The following ARID1B variants were observed in gnomAD, a reference collection of about 807,000 sequenced individuals.
ARID1B encodes the protein AT-rich interaction domain 1B.
A neutral mutation model predicts 212.3 loss-of-function variants in ARID1B; 30 were observed. The observed-to-expected ratio is 0.14, with a 90% confidence interval of 0.11 to 0.19. The LOEUF (loss-of-function observed/expected upper bound fraction) is 0.19. Ranked by LOEUF, ARID1B falls within the 10% of genes least tolerant of loss-of-function variation. ARID1B has a pLI of 1.00. For synonymous variants in ARID1B, 1,402 were observed against 1,301.7 expected (o/e 1.08, Z -1.66); for missense variants, 2,891 against 3,204.0 (o/e 0.90, Z 2.36).
chr6:156,809,713 G>GAAAAAAA (rs370188789), intron 1 of ARID1B, among the ~76,000 whole-genome samples: 1 of 104,462 alleles, frequency 9.6e-6, no homozygotes, highest in African/African-American at 3.5e-5. Flanking sequence ...CTTTTTCAAA[G>GAAAAAAA]AAAAAAAAAA....
Position 157,203,809 on chromosome 6 carries a change from C to A in ARID1B, c.5264-57C>A. ...TTTTTCTTACTCTTTCGTTAACTTTCGTTCTTTCATGCATAGAGTCAACAT... is the reference window on the plus strand; with the variant it reads ...TTTTTCTTACTCTTTCGTTAACTTTAGTTCTTTCATGCATAGAGTCAACAT... On this transcript the variant is annotated intron_variant, in intron 18 of 19. Coordinates refer to ENST00000636930, the MANE Select transcript of ARID1B (RefSeq NM_001374828.1). This position sits in a 1 kb window ranked among gnomAD's most constrained non-coding sequence, Gnocchi z 4.4. 6.3e-7 allele frequency: 1 copy of A among 1,589,890 alleles called. No homozygotes were observed. The highest frequency in any genetic ancestry group is 8.6e-7 in the Non-Finnish European group (1 of 1,162,684).
intron 2 of ARID1B, among the ~76,000 whole-genome samples, chr6:156,894,190 A>C (rs9397983): frequency 0.28 from 42,557 of 151,034 alleles, 6,126 homozygotes; most frequent in Non-Finnish European, 0.33. Context: ...CAAAGGAACA[A>C]ATATTGTGTG....
At chr6:157,088,711 T>C (rs746397036) in intron 5 of ARID1B, among the ~76,000 whole-genome samples, 41 of 152,206 alleles carry the variant, frequency 2.7e-4, no homozygotes, top group Non-Finnish European at 5.7e-4. Context: ...CACCTTCCTT[T>C]AGAGAATAAT....
intron 2 of ARID1B, among the ~76,000 whole-genome samples, chr6:156,831,648 C>G (rs1783147385): frequency 6.6e-6 from 1 of 152,182 alleles, no homozygotes; most frequent in Admixed American, 6.5e-5. Flanking sequence ...AGAGTAATCT[C>G]AATTTTCTTA....
At chr6:156,913,985 C>T (rs1239176566) in intron 3 of ARID1B, among the ~76,000 whole-genome samples, 7 of 148,288 alleles carry the variant, frequency 4.7e-5, no homozygotes, top group Non-Finnish European at 7.5e-5. Flanking sequence ...ATTCTACTCT[C>T]CACTCCCCAA....
rs556107266 is a variant in ARID1B, at chr6:156,827,074, T to C, written c.1792-2153T>C. Among the ~76,000 whole-genome samples the C allele has an allele frequency of 2.6e-5, 4 of 152,304 alleles. No individual in the cohort carries two copies. The South Asian group carries it at 8.3e-4, about 32-fold the overall frequency. On this transcript the variant is annotated intron_variant, in intron 1 of 19. Coordinates refer to ENST00000636930, the MANE Select transcript of ARID1B (RefSeq NM_001374828.1). ...CTGTTCAACTTATGCCCTGGAGATA[T>C]AATAGTGAATAAAATAGAGAAAATC...
intron 2 of ARID1B, among the ~76,000 whole-genome samples, chr6:156,849,824 G>A (rs113009412): frequency 4.7e-4 from 72 of 152,032 alleles, no homozygotes; most frequent in African/African-American, 1.6e-3. Context: ...AGGGGAAGCC[G>A]TGTCATTGGC....
rs917777879 is a variant in ARID1B, at chr6:157,167,786, G to A, written c.3235+601G>A. 5 of 152,428 alleles carry A rather than the reference G, an allele frequency of 3.3e-5. No homozygotes were observed. In the East Asian group the frequency reaches 9.6e-4, roughly 29 times the overall value. The allele number at this position is 152,428 out of a possible 1,614,324, so 9.4% of individuals were successfully genotyped here. ...GCCTGATGATTGCAGTGGATGAGTAGCCAATGTGTGGAAAATATCAAGAGT... is the reference window on the plus strand; with the variant it reads ...GCCTGATGATTGCAGTGGATGAGTAACCAATGTGTGGAAAATATCAAGAGT... On this transcript the variant is annotated intron_variant, in intron 9 of 19. Transcript: ENST00000636930.
At chr6:157,062,932 T>G (rs1488675325) in intron 4 of ARID1B, among the ~76,000 whole-genome samples, 1 of 151,862 alleles carries the variant, frequency 6.6e-6, no homozygotes, top group Non-Finnish European at 1.5e-5. Context: ...CTCGGACTCC[T>G]GACCTCAGGT....
At chr6:156,823,742 G>T (rs1337641240) in intron 1 of ARID1B, among the ~76,000 whole-genome samples, 1 of 146,094 alleles carries the variant, frequency 6.8e-6, no homozygotes, top group Non-Finnish European at 1.5e-5. Flanking sequence ...GAAGGAATTG[G>T]GCTGAAAAAA....
intron 2 of ARID1B, among the ~76,000 whole-genome samples, chr6:156,885,547 A>C (rs915071468): frequency 6.6e-6 from 1 of 152,104 alleles, no homozygotes; most frequent in Non-Finnish European, 1.5e-5. Context: ...AAATGTCAAC[A>C]TCCTATATTT....
intron 9 of ARID1B, chr6:157,169,226 T>C (rs1038386595): frequency 6.6e-6 from 1 of 152,230 alleles, no homozygotes; most frequent in South Asian, 2.1e-4. Context: ...CATCAAAATA[T>C]ACTTTTGGAG....
intron 1 of ARID1B, among the ~76,000 whole-genome samples, chr6:156,811,313 A>T (rs1366289791): frequency 6.6e-6 from 1 of 152,138 alleles, no homozygotes; most frequent in Non-Finnish European, 1.5e-5. Flanking sequence ...CGTACTCAAG[A>T]GGAGAGGATT....
intron 6 of ARID1B, among the ~76,000 whole-genome samples, chr6:157,114,895 T>G (rs535022069): frequency 6.6e-6 from 1 of 152,306 alleles, no homozygotes; most frequent in Non-Finnish European, 1.5e-5. Flanking sequence ...AACACTGCCT[T>G]GGAGCCTAAG....
intron 4 of ARID1B, among the ~76,000 whole-genome samples, chr6:157,028,089 G>A (rs1015115096): frequency 6.6e-6 from 1 of 152,046 alleles, no homozygotes; most frequent in African/African-American, 2.4e-5. Context: ...AAATGGTTGG[G>A]TAAATTGGGA....
rs578144989 is a variant in ARID1B at position 157,114,977 on chromosome 6, G to A, written c.2581+4416G>A. On this transcript the variant is annotated intron_variant, in intron 6 of 19. Transcript: ENST00000636930. ...CTACTTGGTCCTGTGTTCCCGTTCAGGAAGAGCATATGTTAATAAACCATG... is the reference window on the plus strand; with the variant it reads ...CTACTTGGTCCTGTGTTCCCGTTCAAGAAGAGCATATGTTAATAAACCATG... Among the ~76,000 whole-genome samples, 4 of 152,270 alleles carry A rather than the reference G, an allele frequency of 2.6e-5. No homozygotes were observed. In the South Asian group the frequency reaches 8.3e-4, roughly 32 times the overall value.
intron 4 of ARID1B, among the ~76,000 whole-genome samples, chr6:156,995,514 T>C (rs1778534599): frequency 6.6e-6 from 1 of 152,228 alleles, no homozygotes; most frequent in Non-Finnish European, 1.5e-5. Context: ...TATAGTGTAT[T>C]CTAAGTATCT....
chr6:157,186,581 C>T, intron 13 of ARID1B: 1 of 466,850 alleles, frequency 2.1e-6, no homozygotes, highest in Non-Finnish European at 4.5e-6. Context: ...TGTCTGGAAA[C>T]ATTTTTGTTG....
At chr6:157,005,373 C>G (rs148041927) in intron 4 of ARID1B, among the ~76,000 whole-genome samples, 282 of 152,170 alleles carry the variant, frequency 1.9e-3, no homozygotes, top group African/African-American at 6.4e-3. Flanking sequence ...CCGGGCTGTT[C>G]TCGAACTCCT....
Sources: gnomAD v4.1 joint callset for allele counts (sites outside exome capture counted in the v4.1 genomes callset) on GRCh38, gnomAD v4.1.1 for gene constraint, Gnocchi (gnomAD v3.1) non-coding constraint, MANE v1.5 for transcripts, NCBI Gene and HGNC (gene_info 2026-07-23, HGNC 2026-07-21) for gene names.